The following MTCL3 variants were observed in gnomAD, a reference collection of about 807,000 sequenced individuals.
MTCL3 encodes the protein microtubule cross-linking factor 3.
chr6:127,493,344 G>A, the MTCL3 span, among the ~76,000 whole-genome samples: 1 of 152,164 alleles, frequency 6.6e-6, no homozygotes, highest in South Asian at 2.1e-4. Flanking sequence ...ATAGAGAAGG[G>A]AAGAAAAGAA....
At chr6:127,475,227 C>T in the MTCL3 span, 2 of 1,500,856 alleles carry the variant, frequency 1.3e-6, no homozygotes, top group Non-Finnish European at 1.8e-6. This position sits in a 1 kb window ranked among gnomAD's most constrained non-coding sequence, Gnocchi z 7.3. Context: ...CCGAGACGCC[C>T]CCCAGGGACG....
the MTCL3 span, among the ~76,000 whole-genome samples, chr6:127,487,684 C>G: frequency 6.6e-6 from 1 of 152,118 alleles, no homozygotes; most frequent in Non-Finnish European, 1.5e-5. Context: ...GAGGCAGGAT[C>G]CCAAGCTTCA....
the MTCL3 span, among the ~76,000 whole-genome samples, chr6:127,500,409 A>C: frequency 1.4e-4 from 22 of 152,332 alleles, 1 homozygote; most frequent in Middle Eastern, 0.014. Flanking sequence ...TTCCTGAAAA[A>C]TCATGTCAAG....
the MTCL3 span, chr6:127,513,035 T>C: frequency 1.4e-5 from 23 of 1,610,116 alleles, no homozygotes; most frequent in Admixed American, 5.0e-5. Flanking sequence ...GTCTCACAGA[T>C]ACATCCTTTG....
chr6:127,479,307 G>A, the MTCL3 span, among the ~76,000 whole-genome samples: 1 of 152,118 alleles, frequency 6.6e-6, no homozygotes, highest in Admixed American at 6.5e-5. Flanking sequence ...TCTTGGTTTT[G>A]GTGAGTTTTA....
At chr6:127,497,773 T>C in the MTCL3 span, among the ~76,000 whole-genome samples, 1 of 152,130 alleles carries the variant, frequency 6.6e-6, no homozygotes, top group Non-Finnish European at 1.5e-5. Flanking sequence ...CATTCAATGA[T>C]GATATTTTCT....
chr6:127,481,221 A>T, the MTCL3 span: 13 of 801,686 alleles, frequency 1.6e-5, no homozygotes, highest in Non-Finnish European at 2.0e-5. Flanking sequence ...GGACAAATGT[A>T]GATACAGCGT....
chr6:127,510,428 T>C, the MTCL3 span, among the ~76,000 whole-genome samples: 1 of 152,226 alleles, frequency 6.6e-6, no homozygotes, highest in East Asian at 1.9e-4. Context: ...AGCTCTACCC[T>C]TTCTTCCTGG....
At chr6:127,475,359 G>A in the MTCL3 span, 15 of 1,613,170 alleles carry the variant, frequency 9.3e-6, no homozygotes, top group South Asian at 8.8e-5. This position sits in a 1 kb window ranked among gnomAD's most constrained non-coding sequence, Gnocchi z 7.3. Context: ...CGAGGCGGTC[G>A]ATGAAGGTCT....
the MTCL3 span, chr6:127,512,868 C>T: frequency 1.8e-5 from 29 of 1,598,930 alleles, no homozygotes. Flanking sequence ...ACATAGTACA[C>T]CATGAAATAA....
At chr6:127,475,752 G>C in the MTCL3 span, 1 of 1,602,560 alleles carries the variant, frequency 6.2e-7, no homozygotes, top group African/African-American at 1.3e-5. This position sits in a 1 kb window ranked among gnomAD's most constrained non-coding sequence, Gnocchi z 7.3. Context: ...TCTCCTTCTT[G>C]CCCGCGTCGC....
the MTCL3 span, among the ~76,000 whole-genome samples, chr6:127,511,734 T>TA: frequency 1.3e-5 from 2 of 152,218 alleles, no homozygotes; most frequent in Admixed American, 1.3e-4. Flanking sequence ...TTTCTTATGC[T>TA]AAAAAATGTT....
chr6:127,516,372 C>CTGCTGT, the MTCL3 span: 2 of 1,600,688 alleles, frequency 1.2e-6, no homozygotes, highest in Admixed American at 1.7e-5. Context: ...TCTTGTTACC[C>CTGCTGT]TGCTGTTGCT....
the MTCL3 span, among the ~76,000 whole-genome samples, chr6:127,507,697 G>A: frequency 3.3e-5 from 5 of 151,886 alleles, no homozygotes; most frequent in Admixed American, 6.6e-5. Context: ...CAAAAAATTA[G>A]CCGGGCATAG....
chr6:127,476,324 C>G, the MTCL3 span: 1 of 1,614,194 alleles, frequency 6.2e-7, no homozygotes, highest in Non-Finnish European at 8.5e-7. This position sits in a 1 kb window ranked among gnomAD's most constrained non-coding sequence, Gnocchi z 4.4. Flanking sequence ...AAAGGACTGT[C>G]CAGATCCCCA....
the MTCL3 span, among the ~76,000 whole-genome samples, chr6:127,499,901 G>A: frequency 6.6e-6 from 1 of 152,132 alleles, no homozygotes; most frequent in Non-Finnish European, 1.5e-5. Context: ...TTTTTAGGCA[G>A]TAGCTAAGTC....
chr6:127,516,036 G>A, the MTCL3 span: 1 of 1,563,974 alleles, frequency 6.4e-7, no homozygotes, highest in East Asian at 2.3e-5. Flanking sequence ...GCCAGCCCCT[G>A]GGCGGCGGCG....
chr6:127,476,579 A>G, the MTCL3 span: 4 of 842,388 alleles, frequency 4.7e-6, no homozygotes, highest in East Asian at 5.2e-5. This position sits in a 1 kb window ranked among gnomAD's most constrained non-coding sequence, Gnocchi z 4.4. Flanking sequence ...TCCAGATTTA[A>G]TGACAGAGAG....
At chr6:127,516,473 T>C in the MTCL3 span, 4 of 1,599,730 alleles carry the variant, frequency 2.5e-6, no homozygotes, top group Non-Finnish European at 1.7e-6. Context: ...CGCAGCGAAC[T>C]GTCCCTCGGT....
Sources: allele counts gnomAD v4.1 joint callset (sites outside exome capture counted in the v4.1 genomes callset), GRCh38; gene constraint gnomAD v4.1.1; non-coding constraint Gnocchi (gnomAD v3.1); transcripts MANE v1.5; gene names NCBI Gene and HGNC (gene_info 2026-07-23, HGNC 2026-07-21).